RBM6: variants seen among roughly 807,000 people sequenced by gnomAD.
RBM6 encodes the protein RNA binding motif protein 6, also known as RNA-binding protein 6.
In RBM6, 23 loss-of-function variants were observed where a neutral mutation model predicts 140.4. That is an observed-to-expected ratio of 0.16 (90% CI 0.12 to 0.23). The LOEUF is 0.23. RBM6 is among the 10% of genes least tolerant of loss of function. The probability of loss-of-function intolerance (pLI) is 1.00; values close to 1 mark genes in which losing one functional copy is unlikely to be tolerated. For synonymous variants in RBM6, 439 were observed against 475.6 expected (o/e 0.92, Z 1.00); for missense variants, 1,139 against 1,386.7 (o/e 0.82, Z 2.84).
chr3:50,037,743 G>C (rs1195350796), intron 6 of RBM6, among the ~76,000 whole-genome samples: 1 of 151,612 alleles, frequency 6.6e-6, no homozygotes, highest in East Asian at 1.9e-4. Context: ...GGTTCAAGCA[G>C]TTCTCCCACC....
At chr3:49,947,261 AAGGGG>A (rs1393779197) in intron 1 of RBM6, among the ~76,000 whole-genome samples, 908 of 21,446 alleles carry the variant, frequency 0.042, 13 homozygotes, top group African/African-American at 0.13. Flanking sequence ...CAAAAAAAAA[AAGGGG>A]GGGGGGGGGG....
At position 49,991,039 on chromosome 3, in the gene RBM6, A is replaced by T. The variant is rs969789273; in HGVS notation, c.1484-8401A>T. Among the ~76,000 whole-genome samples, 25 of 152,194 alleles carry T rather than the reference A, an allele frequency of 1.6e-4. 1 individual carries two copies. The highest frequency in any genetic ancestry group is 2.4e-5 in the African/African-American group (1 of 41,454). On this transcript the variant is annotated intron_variant, in intron 5 of 20. Coordinates refer to ENST00000266022, the MANE Select transcript of RBM6 (RefSeq NM_005777.3). Reference sequence around the variant, plus strand: ...GTTATCAGGTCCCAAGGTTACCTACACTTATGTCTGATTTGGCTACAAAAT... The same window carrying T: ...GTTATCAGGTCCCAAGGTTACCTACTCTTATGTCTGATTTGGCTACAAAAT...
intron 6 of RBM6, among the ~76,000 whole-genome samples, chr3:50,038,190 C>G (rs763801054): frequency 3.9e-5 from 6 of 152,062 alleles, no homozygotes; most frequent in Non-Finnish European, 8.8e-5. Flanking sequence ...CTGGGGAATA[C>G]TGTGCAGGCT....
Position 50,047,950 on chromosome 3 carries a change from G to A in RBM6, c.1558-295G>A, listed in dbSNP as rs372432385. 1.1e-4 allele frequency among the ~76,000 whole-genome samples: 17 copies of A among 152,242 alleles called. No individual in the cohort carries two copies. In the East Asian group the frequency reaches 2.1e-3, roughly 19 times the overall value. On this transcript the variant is annotated intron_variant, in intron 6 of 20. Coordinates refer to ENST00000266022, the MANE Select transcript of RBM6 (RefSeq NM_005777.3). ...TGGGATTCAAGAGAGTGCATTACCT[G>A]ACCTCTGGACAAGTAGACTGGGCAT...
intron 6 of RBM6, among the ~76,000 whole-genome samples, chr3:50,033,744 A>C (rs542480161): frequency 5.9e-5 from 9 of 152,202 alleles, no homozygotes; most frequent in African/African-American, 1.7e-4. Flanking sequence ...TCCCAGGTTC[A>C]AGTAATTCTG....
chr3:49,955,236 G>A (rs1442640608), intron 1 of RBM6, among the ~76,000 whole-genome samples: 1 of 111,728 alleles, frequency 9.0e-6, no homozygotes, highest in African/African-American at 3.5e-5. Flanking sequence ...GTGTGATCTT[G>A]GCTTAAGCAA....
chr3:49,991,037 A>T (rs1575628178), intron 5 of RBM6, among the ~76,000 whole-genome samples: 1 of 152,192 alleles, frequency 6.6e-6, no homozygotes, highest in East Asian at 1.9e-4. Context: ...AAGGTTACCT[A>T]CACTTATGTC....
intron 11 of RBM6, among the ~76,000 whole-genome samples, chr3:50,060,036 A>G (rs2089873138): frequency 3.9e-5 from 6 of 152,138 alleles, no homozygotes; most frequent in Admixed American, 3.9e-4. Flanking sequence ...AAGCTACTAA[A>G]GAGGCTGAGG....
chr3:49,973,594 T>A (rs2084902531), intron 4 of RBM6, among the ~76,000 whole-genome samples: 1 of 149,520 alleles, frequency 6.7e-6, no homozygotes, highest in South Asian at 2.1e-4. Flanking sequence ...CTTTTTTTTT[T>A]TTTTTTTTTG....
intron 5 of RBM6, among the ~76,000 whole-genome samples, chr3:49,979,274 A>G (rs1313586849): frequency 6.6e-6 from 1 of 152,102 alleles, no homozygotes; most frequent in Non-Finnish European, 1.5e-5. Context: ...CTAAGCGGGA[A>G]TGGGGAACGA....
At chr3:50,062,907 T>TG (rs2089992628) in intron 15 of RBM6, among the ~76,000 whole-genome samples, 1 of 151,068 alleles carries the variant, frequency 6.6e-6, no homozygotes, top group Admixed American at 6.6e-5. Flanking sequence ...TTTTTTTTTT[T>TG]TTCTGAGACA....
chr3:50,022,009 A>G (rs2087517086), intron 6 of RBM6, among the ~76,000 whole-genome samples: 1 of 150,960 alleles, frequency 6.6e-6, no homozygotes, highest in Admixed American at 6.6e-5. Flanking sequence ...ACCCATGACC[A>G]TGCCACTGCA....
chr3:49,989,047 A>AT (rs377540139), intron 5 of RBM6, among the ~76,000 whole-genome samples: 2,636 of 150,622 alleles, frequency 0.018, 51 homozygotes, highest in African/African-American at 0.058. Flanking sequence ...AGATAATGTC[A>AT]TTTTTTTTTT....
intron 6 of RBM6, among the ~76,000 whole-genome samples, chr3:50,028,230 A>G (rs538793268): frequency 7.2e-5 from 11 of 152,170 alleles, no homozygotes; most frequent in South Asian, 4.1e-4. Context: ...AGAGTCAACC[A>G]TTGAATAGCA....
chr3:49,953,847 TGTAGGCTGGGCAGG>T (rs2083849685), intron 1 of RBM6, among the ~76,000 whole-genome samples: 1 of 152,044 alleles, frequency 6.6e-6, no homozygotes, highest in African/African-American at 2.4e-5. Flanking sequence ...AAAAAAATTT[TGTAGGCTGGGCAGG>T]GTGGCTCACA....
chr3:49,967,285 A>C lies in RBM6; in HGVS notation c.45-185A>C, dbSNP rs1575570805. 7.2e-7 allele frequency: 1 copy of C among 1,382,536 alleles called. No homozygotes were observed. The highest frequency in any genetic ancestry group is 9.3e-7 in the Non-Finnish European group (1 of 1,070,796). The allele number at this position is 1,382,536 out of a possible 1,614,324, so 85.6% of individuals were successfully genotyped here. Reference sequence around the variant, plus strand: ...TTCTGAAATGGGAGCATAAAAGTTTACTCCGCCACTTCGTCTTAAAATAGC... The same window carrying C: ...TTCTGAAATGGGAGCATAAAAGTTTCCTCCGCCACTTCGTCTTAAAATAGC... On this transcript the variant is annotated intron_variant, in intron 2 of 20. Transcript: ENST00000266022. This position sits in a 1 kb window ranked among gnomAD's most constrained non-coding sequence, Gnocchi z 4.0.
rs752960388 is a variant in RBM6, at chr3:50,068,709, G to A, written c.2963G>A (p.Arg988Gln). 9 of 1,613,898 alleles carry A rather than the reference G, an allele frequency of 5.6e-6. No individual in the cohort carries two copies. Among genetic ancestry groups the A allele is most frequent in the African/African-American group, 1.3e-5 (1 of 74,908 alleles). ...DLHKQNLEIHRKIKQSEQELA... is the reference protein window; with the variant it reads ...DLHKQNLEIHQKIKQSEQELA... ...TCTCAGCAAAACCTGGAAATCCACC[G>A]GAAGATAAAACAGTCTGAGCAGGAG... is the stretch of plus-strand genomic sequence containing the variant. Residue 988 changes from arginine to glutamine, a missense_variant, in exon 18 of 21, where the codon CGG becomes CAG. Around this residue, in one of 9 missense-constraint regions of RBM6, gnomAD observed 40 missense variants for 80.1 expected, o/e 0.50. Coordinates refer to ENST00000266022, the MANE Select transcript of RBM6 (RefSeq NM_005777.3).
At chr3:49,950,541 G>A (rs2083687253) in intron 1 of RBM6, among the ~76,000 whole-genome samples, 1 of 152,088 alleles carries the variant, frequency 6.6e-6, no homozygotes. Flanking sequence ...GATCATTTGA[G>A]GTCAGGAGTT....
intron 5 of RBM6, among the ~76,000 whole-genome samples, chr3:49,980,991 C>T (rs1325113154): frequency 6.6e-6 from 1 of 151,820 alleles, no homozygotes; most frequent in East Asian, 2.0e-4. Context: ...CAACCTCCGC[C>T]TCCTGGGTTC....
Sources: gnomAD v4.1 joint callset for allele counts (sites outside exome capture counted in the v4.1 genomes callset) on GRCh38, gnomAD v4.1.1 for gene constraint, gnomAD v4.1.1 regional missense constraint, Gnocchi (gnomAD v3.1) non-coding constraint, MANE v1.5 for transcripts, NCBI Gene and HGNC (gene_info 2026-07-23, HGNC 2026-07-21) for gene names.